The following ESRRG variants were observed in gnomAD, a reference collection of about 807,000 sequenced individuals.
The protein encoded by ESRRG is estrogen related receptor gamma.
ESRRG carries 13 observed loss-of-function variants against 44.0 expected under a neutral mutation model. The ratio of observed to expected loss-of-function variants is 0.30; its 90% CI spans 0.19 to 0.47. ESRRG has a LOEUF of 0.47. Ranked by LOEUF, ESRRG falls within the 20% of genes least tolerant of loss-of-function variation. The pLI is 1.00. For synonymous variants in ESRRG, 215 were observed against 214.6 expected, an observed-to-expected ratio of 1.00 and a Z score of -0.02; for missense variants, 395 against 580.6, an observed-to-expected ratio of 0.68 and a Z score of 3.29.
At chr1:216,724,364 T>C, upstream of ESRRG, among the ~76,000 whole-genome samples, 1 of 136,408 alleles carries the variant, frequency 7.3e-6, no homozygotes, top group East Asian at 2.0e-4. Context: ...AAGACAGCAT[T>C]TTTTTTTTTT....
At chr1:216,642,856 G>T (rs554699401) in intron 3 of ESRRG, among the ~76,000 whole-genome samples, 1 of 151,420 alleles carries the variant, frequency 6.6e-6, no homozygotes, top group East Asian at 1.9e-4. Context: ...TATTTTGTTA[G>T]GATAAATTAT....
At chr1:216,606,878 CAT>C (rs1322518621) in intron 3 of ESRRG, among the ~76,000 whole-genome samples, 1 of 152,098 alleles carries the variant, frequency 6.6e-6, no homozygotes, top group Non-Finnish European at 1.5e-5. Flanking sequence ...TTCAAGTAGA[CAT>C]GTGTCTACAT....
intron 1 of ESRRG, among the ~76,000 whole-genome samples, chr1:217,053,397 G>A (rs1206329710): frequency 2.6e-5 from 4 of 151,734 alleles, no homozygotes; most frequent in African/African-American, 9.7e-5. Context: ...AGAGGTTGCA[G>A]TGAGCCGAGA....
chr1:216,795,531 T>C (rs969110613), intron 2 of ESRRG, among the ~76,000 whole-genome samples: 2 of 151,498 alleles, frequency 1.3e-5, no homozygotes, highest in Admixed American at 6.6e-5. Flanking sequence ...AGTAGAGACA[T>C]GGTTTCACCA....
At chr1:216,652,378 T>G (rs1176568000) in intron 2 of ESRRG, among the ~76,000 whole-genome samples, 1 of 152,160 alleles carries the variant, frequency 6.6e-6, no homozygotes, top group African/African-American at 2.4e-5. Context: ...AAATATCACA[T>G]TAGTGGATTG....
At chr1:216,523,728 G>A (rs1041771414) in intron 5 of ESRRG, among the ~76,000 whole-genome samples, 2 of 151,848 alleles carry the variant, frequency 1.3e-5, no homozygotes, top group African/African-American at 4.8e-5. Context: ...TTTCTTCTCG[G>A]CTGCTTTCTT....
At chr1:216,872,347 T>C (rs989596273) in intron 2 of ESRRG, among the ~76,000 whole-genome samples, 2 of 152,232 alleles carry the variant, frequency 1.3e-5, no homozygotes, top group African/African-American at 4.8e-5. Context: ...TCTCCTAGTG[T>C]TGGCATTTTT....
At chr1:216,745,065 G>A (rs540286546) in intron 2 of ESRRG, among the ~76,000 whole-genome samples, 7 of 152,226 alleles carry the variant, frequency 4.6e-5, no homozygotes, top group East Asian at 1.9e-4. Flanking sequence ...ATGGGATGTC[G>A]GTTAGAGGTG....
At position 216,910,726 on chromosome 1, in the gene ESRRG, T is replaced by C. The variant is rs183157134; in HGVS notation, c.-14+28856A>G. Among the ~76,000 whole-genome samples the C allele has an allele frequency of 3.1e-3, 467 of 152,316 alleles. 9 individuals carry two copies. Among genetic ancestry groups the C allele is most frequent in the Admixed American group, 0.026 (405 of 15,294 alleles). On this transcript the variant is annotated intron_variant, in intron 2 of 7. Transcript: ENST00000359162. ...ATGGCATTATACATCACTGACTATA[T>C]GGAGACTCTATTGGTGGGGCCAACC...
At chr1:216,694,767 G>A (rs372982695) in intron 1 of ESRRG, among the ~76,000 whole-genome samples, 6 of 151,908 alleles carry the variant, frequency 3.9e-5, no homozygotes, top group African/African-American at 1.2e-4. Flanking sequence ...ATATTGCCCA[G>A]GCTGGTCCTG....
At chr1:216,607,585 T>C (rs1245695305) in intron 3 of ESRRG, among the ~76,000 whole-genome samples, 2 of 152,320 alleles carry the variant, frequency 1.3e-5, no homozygotes, top group East Asian at 3.9e-4. Context: ...AAAATGACTC[T>C]AATCTGATAG....
intron 3 of ESRRG, among the ~76,000 whole-genome samples, chr1:216,603,658 G>A (rs1410918491): frequency 2.6e-5 from 4 of 152,156 alleles, no homozygotes; most frequent in East Asian, 1.9e-4. Flanking sequence ...GCCGGGCACC[G>A]TGGCTCACGC....
rs1483549153 is a variant in ESRRG at position 216,707,372 on chromosome 1, GAA to G, written c.56+15870_56+15871del. 3 of 1,535,550 alleles carry G rather than the reference GAA, an allele frequency of 2.0e-6. No homozygotes were observed. The African/African-American group carries it at 4.1e-5, about 21-fold the overall frequency. On this transcript the variant is annotated intron_variant, in intron 1 of 6. Coordinates refer to ENST00000408911, the MANE Select transcript of ESRRG (RefSeq NM_001438.4). ...AATCGGGCCCACCTTTTAGCTGAAG[GAA>G]CACAGGCCAGATCAGACTTGACTGC... is the stretch of plus-strand genomic sequence containing the variant.
intron 1 of ESRRG, among the ~76,000 whole-genome samples, chr1:217,136,964 C>G (rs954118012): frequency 6.6e-6 from 1 of 152,152 alleles, no homozygotes; most frequent in South Asian, 2.1e-4. Context: ...TCCGCAGATG[C>G]AGGGACGTTG....
chr1:216,759,327 C>T (rs1223333872), intron 2 of ESRRG, among the ~76,000 whole-genome samples: 4 of 152,038 alleles, frequency 2.6e-5, no homozygotes, highest in African/African-American at 7.2e-5. Context: ...CATAGCTTAA[C>T]GGAGGGGCTC....
intron 1 of ESRRG, among the ~76,000 whole-genome samples, chr1:216,962,049 C>G (rs1171860640): frequency 9.4e-6 from 1 of 106,670 alleles, no homozygotes; most frequent in Non-Finnish European, 2.6e-5. Context: ...TTGTTACAGC[C>G]ATAAAGAAAG....
chr1:216,784,284 ATTG>A (rs1345748301), intron 2 of ESRRG, among the ~76,000 whole-genome samples: 1 of 151,890 alleles, frequency 6.6e-6, no homozygotes, highest in African/African-American at 2.4e-5. Flanking sequence ...GTTATAGTTA[ATTG>A]TTGTCAAGAT....
At chr1:216,940,426 A>G (rs1449804104) in intron 1 of ESRRG, among the ~76,000 whole-genome samples, 1 of 152,212 alleles carries the variant, frequency 6.6e-6, no homozygotes, top group African/African-American at 2.4e-5. Flanking sequence ...CAACAAAGCA[A>G]TCCCTTGGAT....
At chr1:216,514,458 T>C (rs1046757129) in intron 6 of ESRRG, among the ~76,000 whole-genome samples, 1 of 152,184 alleles carries the variant, frequency 6.6e-6, no homozygotes, top group Non-Finnish European at 1.5e-5. Context: ...AATTTCTTGG[T>C]AAACATTTCA....
Sources: gnomAD v4.1 joint callset for allele counts (sites outside exome capture counted in the v4.1 genomes callset) on GRCh38, gnomAD v4.1.1 for gene constraint, MANE v1.5 for transcripts, NCBI Gene and HGNC (gene_info 2026-07-23, HGNC 2026-07-21) for gene names.